LRRC58: variants seen among roughly 807,000 people sequenced by gnomAD.
LRRC58 encodes the protein leucine-rich repeat-containing protein 58.
A neutral mutation model predicts 30.6 loss-of-function variants in LRRC58; 18 were observed. The ratio of observed to expected loss-of-function variants is 0.59; its 90% CI spans 0.41 to 0.87. The LOEUF is 0.87. LRRC58 is among the 40% of genes least tolerant of loss of function. LRRC58 has a pLI of 0.00. For missense variants in LRRC58, 420 were observed against 468.4 expected (o/e 0.90, Z 0.95); for synonymous variants, 221 against 206.0 (o/e 1.07, Z -0.62).
At chr3:120,332,473 T>C (rs1005986097) in intron 3 of LRRC58, among the ~76,000 whole-genome samples, 1 of 152,166 alleles carries the variant, frequency 6.6e-6, no homozygotes, top group African/African-American at 2.4e-5. Flanking sequence ...GTAAATACAT[T>C]CAATAAGTTG....
rs553400645 is a variant in LRRC58, at chr3:120,330,800, T to C, written c.*400A>G. On this transcript the variant is annotated 3_prime_UTR_variant, in exon 4 of 4. Coordinates refer to ENST00000295628, the MANE Select transcript of LRRC58 (RefSeq NM_001099678.2). ...ATAGTATATATGGTATACAGTGTTC[T>C]ACCTAAACCCAAGGGCAACTCTGGC... The C allele has an allele frequency of 3.6e-6, 1 of 276,710 alleles. No homozygotes were observed. The highest frequency in any genetic ancestry group is 4.1e-5 in the South Asian group (1 of 24,646). The allele number at this position is 276,710 out of a possible 1,614,324, so 17.1% of individuals were successfully genotyped here.
chr3:120,335,076 G>A lies in LRRC58; in HGVS notation c.693C>T (p.Ile231=), dbSNP rs150548577. The change falls in exon 3 of 4, where the codon ATC becomes ATT. Residue 231 remains isoleucine (I), a synonymous_variant. Transcript: ENST00000295628. ...NNLLTYLPRE[I]LNLIHLEELS... is the part of the protein sequence containing the mutation. ...ACTCTTCCAAATGAATAAGGTTGAGGATCTCTCGAGGCAGATATGTCAGCA... is the reference window on the plus strand; with the variant it reads ...ACTCTTCCAAATGAATAAGGTTGAGAATCTCTCGAGGCAGATATGTCAGCA... The A allele has an allele frequency of 1.2e-4, 199 of 1,613,898 alleles. No individual in the cohort carries two copies. The African/African-American group carries it at 2.0e-3, about 16-fold the overall frequency.
intron 1 of LRRC58, among the ~76,000 whole-genome samples, chr3:120,343,847 T>C (rs1468679399): frequency 6.6e-6 from 1 of 152,026 alleles, no homozygotes; most frequent in African/African-American, 2.4e-5. Flanking sequence ...CTGGCCAACA[T>C]GGTGAAACCC....
rs904267731 is a variant in LRRC58, at chr3:120,338,226, G to T, written c.501-2273C>A. Among the ~76,000 whole-genome samples the T allele has an allele frequency of 2.0e-5, 3 of 152,018 alleles. No individual in the cohort carries two copies. In the South Asian group the frequency reaches 6.2e-4, roughly 32 times the overall value. ...CTGCTTACCAGTTTTATTTTTGTTG[G>T]TATTTATTTCATTCAATCCCAGCTC... On this transcript the variant is annotated intron_variant, in intron 1 of 3. Coordinates refer to ENST00000295628, the MANE Select transcript of LRRC58 (RefSeq NM_001099678.2).
At chr3:120,332,914 T>A (rs1199100435) in intron 3 of LRRC58, among the ~76,000 whole-genome samples, 1 of 151,836 alleles carries the variant, frequency 6.6e-6, no homozygotes, top group Non-Finnish European at 1.5e-5. Flanking sequence ...TATGCCCAAC[T>A]AATGTTTATA....
intron 3 of LRRC58, among the ~76,000 whole-genome samples, chr3:120,334,455 C>CCGAGAT (rs1485502167): frequency 6.6e-6 from 1 of 152,022 alleles, no homozygotes; most frequent in Non-Finnish European, 1.5e-5. Flanking sequence ...TTGCAATGAG[C>CCGAGAT]CGAGATCGCG....
At position 120,327,417 on chromosome 3, in the gene LRRC58, AATTTTTTT is replaced by A. The variant is rs1935695448; in HGVS notation, c.*3775_*3782del. 1 of 150,330 alleles carries A rather than the reference AATTTTTTT, an allele frequency of 6.7e-6. No homozygotes were observed. 9.3% of individuals were successfully genotyped at this position (150,330 alleles called of 1,614,324 possible). Reference sequence around the variant, plus strand: ...CAGGCGCCCGCCATCACGCCCGGCTAATTTTTTTTTGTATTTTTAGTAGAGACGGGGTT... The same window carrying A: ...CAGGCGCCCGCCATCACGCCCGGCTATTGTATTTTTAGTAGAGACGGGGTT... On this transcript the variant is annotated 3_prime_UTR_variant, in exon 4 of 4. Transcript: ENST00000295628.
At chr3:120,340,427 T>C (rs1320041385) in intron 1 of LRRC58, among the ~76,000 whole-genome samples, 3 of 152,174 alleles carry the variant, frequency 2.0e-5, no homozygotes, top group Admixed American at 6.5e-5. Flanking sequence ...CTGATGAAGT[T>C]CCTTCCTTTA....
At chr3:120,334,721 A>C in intron 3 of LRRC58, 141 bp downstream of exon 3, 1 of 812,248 alleles carries the variant, frequency 1.2e-6, no homozygotes, top group African/African-American at 1.7e-5. Context: ...TTTTTAAAAA[A>C]CCCAGAGTGA....
intron 1 of LRRC58, 43 bp from the exon 2 acceptor site, chr3:120,335,996 GA>G: frequency 7.2e-7 from 1 of 1,391,586 alleles, no homozygotes; most frequent in Non-Finnish European, 9.9e-7. Flanking sequence ...AAATAAAGTT[GA>G]AAAAGATACC....
chr3:120,349,294 G>A lies in LRRC58; in HGVS notation c.-51C>T, dbSNP rs1028351884. ...CCGGATTCCCCAGAGCGCCGCGCGC[G>A]GTCCAGAGGCCGGGAGCTCTGCGGC... On this transcript the variant is annotated 5_prime_UTR_variant, in exon 1 of 4. Coordinates refer to ENST00000295628, the MANE Select transcript of LRRC58 (RefSeq NM_001099678.2). 6 of 1,343,838 alleles carry A rather than the reference G, an allele frequency of 4.5e-6. No individual in the cohort carries two copies. Among genetic ancestry groups the A allele is most frequent in the East Asian group, 3.1e-5 (1 of 32,184 alleles). 83.2% of individuals were successfully genotyped at this position (1,343,838 alleles called of 1,614,324 possible).
At chr3:120,345,990 C>T (rs910019056) in intron 1 of LRRC58, among the ~76,000 whole-genome samples, 13 of 152,190 alleles carry the variant, frequency 8.5e-5, no homozygotes, top group Non-Finnish European at 1.9e-4. Context: ...CAGTGCCTCA[C>T]GCCTGTAATC....
chr3:120,346,466 T>C (rs1328739548), intron 1 of LRRC58, among the ~76,000 whole-genome samples: 8 of 152,168 alleles, frequency 5.3e-5, no homozygotes, highest in African/African-American at 1.7e-4. Context: ...TTTCTGCCTC[T>C]GAAAAATGGG....
At chr3:120,333,150 T>C (rs1011383700) in intron 3 of LRRC58, among the ~76,000 whole-genome samples, 3 of 149,648 alleles carry the variant, frequency 2.0e-5, no homozygotes, top group Non-Finnish European at 3.0e-5. Flanking sequence ...CCCAAAGTGA[T>C]AGAATTACAG....
Position 120,330,844 on chromosome 3 carries a change from T to G in LRRC58, c.*356A>C, listed in dbSNP as rs1935745424. On this transcript the variant is annotated 3_prime_UTR_variant, in exon 4 of 4. Coordinates refer to ENST00000295628, the MANE Select transcript of LRRC58 (RefSeq NM_001099678.2). ...CTCTGGCAATTATAGCTTTGATAAT[T>G]TCTCACTTTCTCCATCTCAATGTCC... is the stretch of plus-strand genomic sequence containing the variant. 1 of 292,302 alleles carries G rather than the reference T, an allele frequency of 3.4e-6. No individual in the cohort carries two copies. Among genetic ancestry groups the G allele is most frequent in the Admixed American group, 4.8e-5 (1 of 20,980 alleles). The allele number at this position is 292,302 out of a possible 1,614,324, so 18.1% of individuals were successfully genotyped here. A position where few individuals can be genotyped will look rare whatever the true frequency, so the allele number is the denominator to read the frequency against.
chr3:120,335,573 A>T (rs1935825224), intron 2 of LRRC58, among the ~76,000 whole-genome samples: 1 of 152,242 alleles, frequency 6.6e-6, no homozygotes, highest in South Asian at 2.1e-4. Flanking sequence ...AAACCTAGGG[A>T]AATGTATGCT....
At chr3:120,341,530 T>C (rs1935903940) in intron 1 of LRRC58, among the ~76,000 whole-genome samples, 1 of 152,158 alleles carries the variant, frequency 6.6e-6, no homozygotes, top group South Asian at 2.1e-4. Flanking sequence ...CTCCCAAAAT[T>C]CATGTTGAAA....
chr3:120,326,300 C>G lies in LRRC58; in HGVS notation c.*4900G>C, dbSNP rs1440653606. The stretch of plus-strand genomic sequence containing the variant: ...TCTCCTGCCTCAGCCTCCTGAGTAG[C>G]TGGGACTACAGGCATGCACCACCAC... On this transcript the variant is annotated 3_prime_UTR_variant, in exon 4 of 4. Transcript: ENST00000295628. The G allele has an allele frequency of 6.6e-6, 1 of 152,216 alleles. No individual in the cohort carries two copies. Among genetic ancestry groups the G allele is most frequent in the Non-Finnish European group, 1.5e-5 (1 of 68,090 alleles). 9.4% of individuals were successfully genotyped at this position (152,216 alleles called of 1,614,324 possible). A position where few individuals can be genotyped will look rare whatever the true frequency, so the allele number is the denominator to read the frequency against.
chr3:120,348,841 C>G lies in LRRC58; in HGVS notation c.403G>C (p.Val135Leu), dbSNP rs754019577. 7 of 1,604,818 alleles carry G rather than the reference C, an allele frequency of 4.4e-6. No homozygotes were observed. The South Asian group carries it at 6.7e-5, about 15-fold the overall frequency. Residue 135 changes from valine to leucine, a missense_variant, in exon 1 of 4, where the codon GTG becomes CTG. By Grantham distance (32) the Val-to-Leu change is conservative. Around this residue, in one of 2 missense-constraint regions of LRRC58, gnomAD observed 266 missense variants for 251.7 expected, o/e 1.06. Transcript: ENST00000295628. ...CGCAGCTCTAAGAGCGAGGCAGGCA[C>G]CTCCTGGAAACAGTTGCCGCTGAGG... ...LNLSGNCFQEVPASLLELRAL... is the reference protein window; with the variant it reads ...LNLSGNCFQELPASLLELRAL...
Sources: allele counts gnomAD v4.1 joint callset (sites outside exome capture counted in the v4.1 genomes callset), GRCh38; gene constraint gnomAD v4.1.1; regional missense constraint gnomAD v4.1.1; transcripts MANE v1.5; gene names NCBI Gene and HGNC (gene_info 2026-07-23, HGNC 2026-07-21).